CAMTA1: variants seen among roughly 807,000 people sequenced by gnomAD.
CAMTA1 encodes the protein calmodulin-binding transcription activator 1.
CAMTA1 carries 27 observed loss-of-function variants against 170.9 expected under a neutral mutation model. The ratio of observed to expected loss-of-function variants is 0.16; its 90% CI spans 0.12 to 0.22. The LOEUF (loss-of-function observed/expected upper bound fraction) is 0.22. Ranked by LOEUF, CAMTA1 falls within the 10% of genes least tolerant of loss-of-function variation. The pLI, the probability that CAMTA1 is intolerant of heterozygous loss-of-function variation, is 1.00. For synonymous variants in CAMTA1, 833 were observed against 891.5 expected (o/e 0.93, Z 1.17); for missense variants, 1,619 against 2,217.2 (o/e 0.73, Z 5.42).
At chr1:7,016,287 C>T (rs558833537) in intron 3 of CAMTA1, among the ~76,000 whole-genome samples, 4 of 152,244 alleles carry the variant, frequency 2.6e-5, no homozygotes, top group Admixed American at 6.5e-5. Context: ...CCTGTCTTAT[C>T]CACATGTTCT....
intron 5 of CAMTA1, among the ~76,000 whole-genome samples, chr1:7,298,462 G>A (rs1186437923): frequency 1.3e-5 from 2 of 152,092 alleles, no homozygotes; most frequent in Admixed American, 6.5e-5. Context: ...GAATAGAAAC[G>A]GGACCCTTAA....
chr1:6,841,876 A>T (rs1486110070), intron 3 of CAMTA1, among the ~76,000 whole-genome samples: 1 of 152,308 alleles, frequency 6.6e-6, no homozygotes, highest in Middle Eastern at 3.4e-3. Flanking sequence ...GGGTCAGTGG[A>T]CAGGATCCTT....
intron 4 of CAMTA1, among the ~76,000 whole-genome samples, chr1:7,104,148 A>G (rs1256959788): frequency 7.6e-6 from 1 of 132,092 alleles, no homozygotes; most frequent in South Asian, 2.3e-4. Context: ...CGTACACACA[A>G]CACACATATG....
intron 5 of CAMTA1, among the ~76,000 whole-genome samples, chr1:7,369,882 TGGGTAA>T (rs898524440): frequency 2.2e-4 from 34 of 152,310 alleles, no homozygotes; most frequent in African/African-American, 7.9e-4. Flanking sequence ...GACCTCTCTG[TGGGTAA>T]GGTTAATTCT....
intron 4 of CAMTA1, among the ~76,000 whole-genome samples, chr1:7,222,620 G>C (rs1423262308): frequency 6.6e-6 from 1 of 152,108 alleles, no homozygotes; most frequent in African/African-American, 2.4e-5. Context: ...CTTTCTCTTT[G>C]TTCCAAGGGG....
At chr1:7,671,151 A>C in intron 10 of CAMTA1, 114 bp downstream of exon 10, 9 of 1,161,610 alleles carry the variant, frequency 7.7e-6, no homozygotes, top group Non-Finnish European at 9.8e-6. Flanking sequence ...TCTAGGCCTC[A>C]GTTTCCTCGG....
rs35873712 is a variant in CAMTA1 at position 7,104,369 on chromosome 1, TACACAC to T, written c.302+13016_302+13021del. ...CACATGCATAAATACTCAATACACA[TACACAC>T]ACACACACACACACACAGCTTCCTG... On this transcript the variant is annotated intron_variant, in intron 4 of 22. Transcript: ENST00000303635. 4.0e-4 allele frequency among the ~76,000 whole-genome samples: 61 copies of T among 150,860 alleles called. 1 individual carries two copies. The highest frequency in any genetic ancestry group is 6.8e-4 in the Non-Finnish European group (46 of 67,688).
At chr1:7,751,095 G>T in intron 19 of CAMTA1, 104 bp from the exon 20 acceptor site, 1 of 922,334 alleles carries the variant, frequency 1.1e-6, no homozygotes, top group Admixed American at 2.2e-5. Context: ...TGATAATAGA[G>T]GGGAAAAGCA....
Position 7,588,243 on chromosome 1 carries a change from C to T in CAMTA1, c.511-52157C>T, listed in dbSNP as rs1284117281. Among the ~76,000 whole-genome samples the T allele has an allele frequency of 6.6e-6, 1 of 152,082 alleles. No homozygotes were observed. Among genetic ancestry groups the T allele is most frequent in the Non-Finnish European group, 1.5e-5 (1 of 68,044 alleles). ...GACAAGCTCCTGTGGCCAGACAACC[C>T]CCGCCCCAGTTCTCACTGCCTCTGA... On this transcript the variant is annotated intron_variant, in intron 6 of 22. Transcript: ENST00000303635. This position sits in a 1 kb window ranked among gnomAD's most constrained non-coding sequence, Gnocchi z 5.8.
At chr1:7,002,635 A>G (rs1180168434) in intron 3 of CAMTA1, among the ~76,000 whole-genome samples, 1 of 152,242 alleles carries the variant, frequency 6.6e-6, no homozygotes, top group Non-Finnish European at 1.5e-5. Context: ...ACTTGGATCT[A>G]TCATATCGCT....
rs537582709 is a variant in CAMTA1 at position 7,566,246 on chromosome 1, C to A, written c.511-74154C>A. Among the ~76,000 whole-genome samples the A allele has an allele frequency of 1.8e-4, 28 of 152,302 alleles. No homozygotes were observed. The East Asian group carries it at 5.0e-3, about 27-fold the overall frequency. On this transcript the variant is annotated intron_variant, in intron 6 of 22. Transcript: ENST00000303635. ...TGACCCCCAGGCACTCACTGTCCCT[C>A]TCTAGACCTTTCTTTCCATTTATAA...
chr1:7,151,864 A>G (rs1263748940), intron 4 of CAMTA1, among the ~76,000 whole-genome samples: 1 of 152,130 alleles, frequency 6.6e-6, no homozygotes. Context: ...GCCAGCTCTG[A>G]TTGGATTCAC....
intron 5 of CAMTA1, among the ~76,000 whole-genome samples, chr1:7,417,894 T>A (rs1557681108): frequency 6.6e-6 from 1 of 152,186 alleles, no homozygotes; most frequent in Non-Finnish European, 1.5e-5. Context: ...AGACCCGAGC[T>A]GTTCCTATTT....
At chr1:7,374,030 G>A (rs1053251503) in intron 5 of CAMTA1, among the ~76,000 whole-genome samples, 4 of 152,186 alleles carry the variant, frequency 2.6e-5, no homozygotes, top group Non-Finnish European at 5.9e-5. Context: ...GGTGGCTCCT[G>A]CCCAGGGAGA....
At chr1:7,034,943 G>T (rs1049654667) in intron 3 of CAMTA1, among the ~76,000 whole-genome samples, 2 of 152,146 alleles carry the variant, frequency 1.3e-5, no homozygotes, top group East Asian at 3.9e-4. Context: ...AATAAAAATT[G>T]GCATTCCATG....
intron 5 of CAMTA1, among the ~76,000 whole-genome samples, chr1:7,375,313 C>T (rs2086761181): frequency 6.6e-6 from 1 of 152,148 alleles, no homozygotes; most frequent in African/African-American, 2.4e-5. Flanking sequence ...CAGCTTCCAA[C>T]CAAATAACAA....
intron 6 of CAMTA1, among the ~76,000 whole-genome samples, chr1:7,616,723 G>A (rs1038340361): frequency 2.6e-5 from 4 of 152,116 alleles, no homozygotes; most frequent in Non-Finnish European, 5.9e-5. Flanking sequence ...AGGGAGAAGC[G>A]TGACAGGGAG....
chr1:6,988,987 C>T (rs1695867897), intron 3 of CAMTA1, among the ~76,000 whole-genome samples: 1 of 152,118 alleles, frequency 6.6e-6, no homozygotes, highest in Non-Finnish European at 1.5e-5. Context: ...AGATGGTGTC[C>T]CAATGGGGAG....
chr1:7,646,709 T>C (rs1035985896), intron 7 of CAMTA1, among the ~76,000 whole-genome samples: 2 of 140,954 alleles, frequency 1.4e-5, no homozygotes, highest in African/African-American at 5.4e-5. Context: ...CATGGTGAGT[T>C]GGGTAGAGGC....
Sources: allele counts gnomAD v4.1 joint callset (sites outside exome capture counted in the v4.1 genomes callset), GRCh38; gene constraint gnomAD v4.1.1; non-coding constraint Gnocchi (gnomAD v3.1); transcripts MANE v1.5; gene names NCBI Gene and HGNC (gene_info 2026-07-23, HGNC 2026-07-21).